ALOX15: variants seen among roughly 807,000 people sequenced by gnomAD.
ALOX15 encodes the protein arachidonate 15-lipoxygenase, also known as polyunsaturated fatty acid lipoxygenase ALOX15.
In ALOX15, 68 loss-of-function variants were observed where a neutral mutation model predicts 71.7. The observed-to-expected ratio is 0.95, with a 90% confidence interval of 0.78 to 1.16. ALOX15 has a LOEUF of 1.16. Ranked by LOEUF, ALOX15 falls within the 50% of genes most tolerant of loss-of-function variation. The pLI is 0.00. For missense variants in ALOX15, 798 were observed against 818.8 expected, an observed-to-expected ratio of 0.97 and a Z score of 0.31; for synonymous variants, 346 against 333.3, an observed-to-expected ratio of 1.04 and a Z score of -0.42.
chr17:4,633,370 C>T, intron 9 of ALOX15, 44 bp downstream of exon 9: 1 of 1,611,450 alleles, frequency 6.2e-7, no homozygotes, highest in African/African-American at 1.3e-5. Context: ...GAATCCAGAG[C>T]TGGAAAAAAG....
chr17:4,634,717 G>A (rs145594358), intron 8 of ALOX15, among the ~76,000 whole-genome samples: 1,829 of 151,900 alleles, frequency 0.012, 36 homozygotes, highest in African/African-American at 0.041. Flanking sequence ...GGTGGCTCAC[G>A]CCTGTAATCC....
Position 4,639,544 on chromosome 17 carries a change from C to A in ALOX15, c.223G>T (p.Ala75Ser). 1.2e-6 allele frequency: 2 copies of A among 1,613,926 alleles called. No homozygotes were observed. The highest frequency in any genetic ancestry group is 1.1e-5 in the South Asian group (1 of 91,076). Residue 75 changes from alanine (A) to serine (S), a missense_variant, in exon 2 of 14, where the codon GCC (alanine) becomes TCC (serine). Around this residue, in one of 3 missense-constraint regions of ALOX15, gnomAD observed 300 missense variants for 283.1 expected, o/e 1.06. Transcript: ENST00000293761. The stretch of plus-strand genomic sequence containing the variant: ...ACAGAGATCCAGTTGCAGAACCAGG[C>A]GTCGTCCTTAAGGAGGTGCCGTTTG... Reference protein sequence around the residue: ...LRKRHLLKDDAWFCNWISVQG... With the variant: ...LRKRHLLKDDSWFCNWISVQG...
Position 4,635,887 on chromosome 17 carries a change from AT to A in ALOX15, c.1032del (p.Lys344AsnfsTer19). On this transcript the variant is annotated frameshift_variant, in exon 8 of 14. Coordinates refer to ENST00000293761, the MANE Select transcript of ALOX15 (RefSeq NM_001140.5). LOFTEE classifies it high-confidence loss of function. The stretch of plus-strand genomic sequence containing the variant: ...TGGAAGTCAGAGCTGCGCACCCAGC[AT>A]TTGGCCAGAAGCCAGGCCATTGGGG... ...TDPPMAWLLA[K>X]CWVRSSDFQL... 6.2e-7 allele frequency: 1 copy of A among 1,614,246 alleles called. No homozygotes were observed. The highest frequency in any genetic ancestry group is 8.5e-7 in the Non-Finnish European group (1 of 1,180,044).
intron 1 of ALOX15, among the ~76,000 whole-genome samples, chr17:4,640,659 G>A (rs1911287626): frequency 6.8e-6 from 1 of 146,250 alleles, no homozygotes; most frequent in Non-Finnish European, 1.5e-5. Flanking sequence ...CCTTTGCCCC[G>A]CTTTCTCGGA....
Position 4,637,263 on chromosome 17 carries a change from G to A in ALOX15, c.808-5C>T, listed in dbSNP as rs185196797. The A allele has an allele frequency of 4.4e-6, 7 of 1,608,210 alleles. No individual in the cohort carries two copies. The highest frequency in any genetic ancestry group is 4.0e-5 in the African/African-American group (3 of 74,940). On this transcript the variant is annotated splice_polypyrimidine_tract_variant and splice_region_variant and intron_variant, in intron 6 of 13. Coordinates refer to ENST00000293761, the MANE Select transcript of ALOX15 (RefSeq NM_001140.5). ...AGCTTCGAACAGTGTGCCTCCCTGG[G>A]TGGGGGAAGAGGTCAAGGGCTGCTA...
At position 4,638,915 on chromosome 17, in the gene ALOX15, G is replaced by T. The variant is rs764670223; in HGVS notation, c.477C>A (p.Asp159Glu). The part of the protein sequence containing the change: ...ILNMAGAKLY[D>E]LPVDERFLED... ...CCAGAAATCGCTCATCCACAGGGAGGTCATATAGTTTGGCCCCAGCCATAT... is the reference window on the plus strand; with the variant it reads ...CCAGAAATCGCTCATCCACAGGGAGTTCATATAGTTTGGCCCCAGCCATAT... Residue 159 changes from aspartate to glutamate, a missense_variant, in exon 4 of 14, where the codon GAC becomes GAA. Transcript: ENST00000293761. 1 of 1,614,234 alleles carries T rather than the reference G, an allele frequency of 6.2e-7. No homozygotes were observed. Among genetic ancestry groups the T allele is most frequent in the South Asian group, 1.1e-5 (1 of 91,088 alleles).
intron 1 of ALOX15, among the ~76,000 whole-genome samples, chr17:4,640,864 G>T (rs1274693041): frequency 6.6e-6 from 1 of 150,850 alleles, no homozygotes; most frequent in East Asian, 2.1e-4. Context: ...GAGGCAGGAG[G>T]AGAGGGCTGG....
rs1477064885 is a variant in ALOX15, at chr17:4,640,192, T to A, written c.136-561A>T. On this transcript the variant is annotated intron_variant, in intron 1 of 13. Transcript: ENST00000293761. ...AGCCCAGGTGTGGGGGGTCAGCAGG[T>A]CCGGAGGCTCTCGAAGGTGGCGCCA... Among the ~76,000 whole-genome samples, 5 of 127,914 alleles carry A rather than the reference T, an allele frequency of 3.9e-5. 1 individual carries two copies. The highest frequency in any genetic ancestry group is 1.5e-4 in the African/African-American group (5 of 32,902). The allele number at this position is 127,914 out of a possible 152,430, so 83.9% of individuals were successfully genotyped here.
At chr17:4,634,294 C>A (rs1448675255) in intron 8 of ALOX15, among the ~76,000 whole-genome samples, 1 of 152,064 alleles carries the variant, frequency 6.6e-6, no homozygotes, top group Non-Finnish European at 1.5e-5. Context: ...TGAAAGAAAT[C>A]ATTCTTTGTT....
intron 1 of ALOX15, among the ~76,000 whole-genome samples, chr17:4,640,644 G>A (rs1220881406): frequency 3.3e-5 from 4 of 121,164 alleles, no homozygotes. Context: ...CTCTCTTCCT[G>A]GCTCCCTTTG....
Position 4,633,239 on chromosome 17 carries a change from CAG to C in ALOX15, c.1323_1324del (p.Phe441LeufsTer4). ...CCGGTCGGCCAAGTCATCAGGGGGA[CAG>C]AAGGAGCTGTAGGTTAGGAAGGCTC... On this transcript the variant is annotated frameshift_variant, in exon 10 of 14. Transcript: ENST00000293761. LOFTEE classifies it high-confidence loss of function. 6.2e-7 allele frequency: 1 copy of C among 1,614,178 alleles called. No individual in the cohort carries two copies.
rs1284104419 is a variant in ALOX15, at chr17:4,638,972, C to A, written c.420G>T (p.Arg140=). 2 of 1,614,104 alleles carry A rather than the reference C, an allele frequency of 1.2e-6. No homozygotes were observed. Among genetic ancestry groups the A allele is most frequent in the Admixed American group, 1.7e-5 (1 of 60,012 alleles). The change falls in exon 4 of 14, where the codon CGG becomes CGT. Residue 140 remains arginine, a splice_region_variant and synonymous_variant. Coordinates refer to ENST00000293761, the MANE Select transcript of ALOX15 (RefSeq NM_001140.5). ...TTAACCCGTCCTTCCAGTTTCCCCACCTGTGGGGCAGGAAGGAAATCAAGT... is the reference window on the plus strand; with the variant it reads ...TTAACCCGTCCTTCCAGTTTCCCCAACTGTGGGGCAGGAAGGAAATCAAGT... ...EELEERRKLY[R]WGNWKDGLIL...
At chr17:4,636,669 C>T (rs569299396) in intron 7 of ALOX15, among the ~76,000 whole-genome samples, 96 of 152,276 alleles carry the variant, frequency 6.3e-4, no homozygotes, top group Non-Finnish European at 1.2e-3. Context: ...CGTTTCATCA[C>T]GGCCTTCTCC....
At chr17:4,637,310 C>T (rs1366068078) in intron 6 of ALOX15, 52 bp from the exon 7 acceptor site, 24 of 1,557,796 alleles carry the variant, frequency 1.5e-5, no homozygotes, top group Non-Finnish European at 2.0e-5. Flanking sequence ...CATCTTCTTC[C>T]TACTCGGATT....
At chr17:4,632,701 G>C (rs1398054192) in intron 11 of ALOX15, among the ~76,000 whole-genome samples, 160 bp downstream of exon 11, 1 of 152,116 alleles carries the variant, frequency 6.6e-6, no homozygotes, top group Admixed American at 6.5e-5. Flanking sequence ...GTGTAGGACG[G>C]GGACCTGTCT....
At chr17:4,641,153 T>C (rs11568078) in intron 1 of ALOX15, among the ~76,000 whole-genome samples, 2,093 of 150,796 alleles carry the variant, frequency 0.014, 73 homozygotes, top group African/African-American at 0.045. Flanking sequence ...GCCTGAAAGG[T>C]AGAGATCCAA....
chr17:4,638,754 G>A lies in ALOX15; in HGVS notation c.543-70C>T, dbSNP rs73973323. On this transcript the variant is annotated intron_variant, in intron 4 of 13. Transcript: ENST00000293761. ...CTCTAACATGACGACCACAGGCACCGATCCTGGGCCAGTCCAATGCAGTGC... is the reference window on the plus strand; with the variant it reads ...CTCTAACATGACGACCACAGGCACCAATCCTGGGCCAGTCCAATGCAGTGC... 245 of 1,612,824 alleles carry A rather than the reference G, an allele frequency of 1.5e-4. No homozygotes were observed. The African/African-American group carries it at 1.7e-3, about 11-fold the overall frequency.
chr17:4,641,479 G>A (rs770052088), intron 1 of ALOX15, 38 bp downstream of exon 1: 2 of 1,599,628 alleles, frequency 1.3e-6, no homozygotes, highest in Non-Finnish European at 1.7e-6. Flanking sequence ...CTCGGAGCCA[G>A]GGGCGCAGCC....
At chr17:4,636,052 C>T in intron 7 of ALOX15, 84 bp from the exon 8 acceptor site, 2 of 1,402,502 alleles carry the variant, frequency 1.4e-6, no homozygotes, top group Middle Eastern at 2.5e-4. Flanking sequence ...TTAACCTCAC[C>T]CTTCGTCCTC....
Sources: gnomAD v4.1 joint callset for allele counts (sites outside exome capture counted in the v4.1 genomes callset) on GRCh38, gnomAD v4.1.1 for gene constraint, gnomAD v4.1.1 regional missense constraint, MANE v1.5 for transcripts, NCBI Gene and HGNC (gene_info 2026-07-23, HGNC 2026-07-21) for gene names.